PCDHA5: variants seen among roughly 807,000 people sequenced by gnomAD.
PCDHA5 encodes the protein protocadherin alpha-5.
PCDHA5 carries 43 observed loss-of-function variants against 61.6 expected under a neutral mutation model. That is an observed-to-expected ratio of 0.70 (90% CI 0.55 to 0.90). The LOEUF is 0.90. Among genes scored for constraint, PCDHA5 ranks in the 40% least tolerant of loss-of-function variants. The pLI is 0.00. For missense variants in PCDHA5, 1,298 were observed against 1,222.7 expected (o/e 1.06, Z -0.92); for synonymous variants, 627 against 543.9 (o/e 1.15, Z -2.13).
intron 1 of PCDHA5, chr5:140,842,676 C>T (rs2150341725): frequency 6.3e-7 from 1 of 1,595,430 alleles, no homozygotes. Context: ...AACGACAATG[C>T]TCCGGCGTTC....
At chr5:140,828,888 C>T in intron 1 of PCDHA5, 1 of 1,614,192 alleles carries the variant, frequency 6.2e-7, no homozygotes, top group East Asian at 2.2e-5. Flanking sequence ...AGACTGAATG[C>T]TTCTGATCGG....
Position 140,927,036 on chromosome 5 carries a change from C to T in PCDHA5, c.2353-51913C>T, listed in dbSNP as rs137875923. 7.2e-5 allele frequency: 116 copies of T among 1,612,314 alleles called. No individual in the cohort carries two copies. In the African/African-American group the frequency reaches 1.3e-3, roughly 19 times the overall value. ...CCGCGGACTTGAGGCTGCCAGCGGC[C>T]GCTATGTCCTCGCGGAACTTTCGCT... On this transcript the variant is annotated intron_variant, in intron 1 of 3. Coordinates refer to ENST00000529859, the MANE Select transcript of PCDHA5 (RefSeq NM_018908.3).
At chr5:140,857,656 G>A (rs1269090821) in intron 1 of PCDHA5, 4 of 1,596,690 alleles carry the variant, frequency 2.5e-6, no homozygotes, top group Admixed American at 3.4e-5. Flanking sequence ...AGGTGAGCGC[G>A]CGCGATGGGG....
Position 140,881,317 on chromosome 5 carries a change from T to A in PCDHA5, c.2352+57190T>A, listed in dbSNP as rs2058663628. On this transcript the variant is annotated intron_variant, in intron 1 of 3. Coordinates refer to ENST00000529859, the MANE Select transcript of PCDHA5 (RefSeq NM_018908.3). ...GGAAACTTTAACCTCCTGGTTAAAT[T>A]CTATTTAACCAGGACGCCGATTCGG... 8.2e-6 allele frequency: 8 copies of A among 977,378 alleles called. No individual in the cohort carries two copies. The Admixed American group carries it at 4.9e-4, about 60-fold the overall frequency. The allele number at this position is 977,378 out of a possible 1,614,324, so 60.5% of individuals were successfully genotyped here.
chr5:140,927,225 G>A, intron 1 of PCDHA5: 2 of 1,614,112 alleles, frequency 1.2e-6, no homozygotes, highest in South Asian at 2.2e-5. Context: ...ACAAGATTCG[G>A]ATTCACGTCC....
rs1358693370 is a variant in PCDHA5, at chr5:140,846,736, G to C, written c.2352+22609G>C. 1.3e-5 allele frequency among the ~76,000 whole-genome samples: 2 copies of C among 149,142 alleles called. 1 individual carries two copies. Among genetic ancestry groups the C allele is most frequent in the Non-Finnish European group, 3.0e-5 (2 of 66,802 alleles). On this transcript the variant is annotated intron_variant, in intron 1 of 3. Coordinates refer to ENST00000529859, the MANE Select transcript of PCDHA5 (RefSeq NM_018908.3). ...ACCAGTCTTCATTAAACATTAAATA[G>C]GACCCTTACAGATCTCTAACAGCAT...
intron 1 of PCDHA5, among the ~76,000 whole-genome samples, chr5:140,907,985 A>T (rs1377305456): frequency 2.6e-5 from 4 of 152,178 alleles, no homozygotes; most frequent in East Asian, 1.9e-4. Flanking sequence ...GCTTCTTCCA[A>T]GTCCTTAACC....
At chr5:140,993,468 AC>A (rs2097564676) in intron 3 of PCDHA5, among the ~76,000 whole-genome samples, 1 of 69,412 alleles carries the variant, frequency 1.4e-5, no homozygotes, top group South Asian at 5.5e-4. Context: ...TTTCTCACAC[AC>A]ACACACACAC....
In PCDHA5 at chr5:141,011,628, A is replaced by G. The variant is rs568783669; in HGVS notation, c.*1691A>G. On this transcript the variant is annotated 3_prime_UTR_variant, in exon 4 of 4. Coordinates refer to ENST00000529859, the MANE Select transcript of PCDHA5 (RefSeq NM_018908.3). ...TTTATTTATGGTCCAGCCAAGAGCC[A>G]TCTCGTGCCAAGACTTCTGCTGGCA... is the stretch of plus-strand genomic sequence containing the variant. The G allele has an allele frequency of 6.5e-6, 1 of 153,882 alleles. No homozygotes were observed. Among genetic ancestry groups the G allele is most frequent in the East Asian group, 1.9e-4 (1 of 5,186 alleles). 9.5% of individuals were successfully genotyped at this position (153,882 alleles called of 1,614,324 possible).
At chr5:141,009,150 G>T (rs1588228136) in intron 3 of PCDHA5, among the ~76,000 whole-genome samples, 1 of 152,300 alleles carries the variant, frequency 6.6e-6, no homozygotes, top group African/African-American at 2.4e-5. Context: ...CTGCCCTCTT[G>T]CTTGTCTGTA....
chr5:140,856,173 C>T (rs782775861), intron 1 of PCDHA5: 10 of 1,598,116 alleles, frequency 6.3e-6, no homozygotes, highest in African/African-American at 1.3e-5. Flanking sequence ...AGACACGGCA[C>T]CTTCGTGGGC....
chr5:140,856,715 G>T (rs1233191211), intron 1 of PCDHA5: 1 of 1,596,328 alleles, frequency 6.3e-7, no homozygotes, highest in African/African-American at 1.3e-5. Flanking sequence ...TGAATTTACC[G>T]GATCTGTTTC....
intron 1 of PCDHA5, among the ~76,000 whole-genome samples, chr5:140,904,216 ATTG>A (rs2070958692): frequency 6.6e-6 from 1 of 151,842 alleles, no homozygotes; most frequent in East Asian, 1.9e-4. Flanking sequence ...CCCAAAGTCC[ATTG>A]TATTATACTT....
At chr5:140,977,337 G>A (rs1554238444) in intron 1 of PCDHA5, among the ~76,000 whole-genome samples, 4 of 152,150 alleles carry the variant, frequency 2.6e-5, no homozygotes, top group South Asian at 2.1e-4. Context: ...GGGGAGAGAC[G>A]GTGATGATGA....
At chr5:140,842,168 A>G (rs2150330845) in intron 1 of PCDHA5, 2 of 1,613,900 alleles carry the variant, frequency 1.2e-6, no homozygotes, top group Non-Finnish European at 1.7e-6. Context: ...TTCTTTTAAT[A>G]GCCTTGTTGA....
intron 3 of PCDHA5, among the ~76,000 whole-genome samples, chr5:140,998,727 G>T (rs2097831761): frequency 6.6e-6 from 1 of 152,076 alleles, no homozygotes; most frequent in African/African-American, 2.4e-5. Flanking sequence ...ACCACGCTAG[G>T]CTAATTTTGT....
chr5:140,843,125 G>A (rs2150353393), intron 1 of PCDHA5: 2 of 1,595,922 alleles, frequency 1.3e-6, no homozygotes, highest in East Asian at 2.2e-5. Flanking sequence ...CGCCGACTCG[G>A]GCTACAACGC....
intron 1 of PCDHA5, among the ~76,000 whole-genome samples, chr5:140,894,725 G>A (rs3776121): frequency 0.31 from 47,403 of 151,506 alleles, 8,352 homozygotes; most frequent in East Asian, 0.53. Context: ...CAAATATTAC[G>A]TAGCAATTTG....
chr5:140,954,843 G>T (rs1011520662), intron 1 of PCDHA5, among the ~76,000 whole-genome samples: 4 of 152,058 alleles, frequency 2.6e-5, no homozygotes, highest in African/African-American at 9.7e-5. Flanking sequence ...TGAAATCTTT[G>T]CCTGTGCCTA....
Sources: gnomAD v4.1 joint callset for allele counts (sites outside exome capture counted in the v4.1 genomes callset) on GRCh38, gnomAD v4.1.1 for gene constraint, MANE v1.5 for transcripts, NCBI Gene and HGNC (gene_info 2026-07-23, HGNC 2026-07-21) for gene names.